The following SMAD1 variants were observed in gnomAD, a reference collection of about 807,000 sequenced individuals.
SMAD1 encodes SMAD family member 1, also known as MAD, mothers against decapentaplegic homolog 1.
A neutral mutation model predicts 41.6 loss-of-function variants in SMAD1; 6 were observed. The ratio of observed to expected loss-of-function variants is 0.14; its 90% CI spans 0.08 to 0.28. The LOEUF (loss-of-function observed/expected upper bound fraction) is 0.28. Among genes scored for constraint, SMAD1 ranks in the 10% least tolerant of loss-of-function variants. SMAD1 has a pLI of 1.00. For missense variants in SMAD1, 379 were observed against 582.6 expected, an observed-to-expected ratio of 0.65 and a Z score of 3.60; for synonymous variants, 206 against 203.2, an observed-to-expected ratio of 1.01 and a Z score of -0.12.
At chr4:145,497,395 A>G (rs987151144) in intron 1 of SMAD1, 2 of 152,252 alleles carry the variant, frequency 1.3e-5, no homozygotes, top group Non-Finnish European at 2.9e-5. Context: ...TGTGACTCTT[A>G]TCATAGTGTA....
intron 1 of SMAD1, chr4:145,503,869 G>T (rs1436771338): frequency 6.6e-6 from 1 of 152,348 alleles, no homozygotes; most frequent in Non-Finnish European, 1.5e-5. Flanking sequence ...AGGTGTGTGT[G>T]TGAGTGCGCC....
intron 2 of SMAD1, among the ~76,000 whole-genome samples, chr4:145,527,201 C>T (rs1731061163): frequency 6.6e-6 from 1 of 151,754 alleles, no homozygotes; most frequent in Non-Finnish European, 1.5e-5. Flanking sequence ...CTGTGCTTAT[C>T]ACTTACCATC....
intron 2 of SMAD1, among the ~76,000 whole-genome samples, chr4:145,526,741 G>A (rs1263605472): frequency 6.6e-6 from 1 of 152,118 alleles, no homozygotes; most frequent in Non-Finnish European, 1.5e-5. Context: ...TAAATGTGGA[G>A]TTCTTTAGGA....
chr4:145,495,779 C>CTTTT (rs397938427), intron 1 of SMAD1, among the ~76,000 whole-genome samples: 1,373 of 117,432 alleles, frequency 0.012, 39 homozygotes, highest in African/African-American at 0.044. Context: ...CAGTGCTTGG[C>CTTTT]TTTTTTTTTT....
At chr4:145,490,214 A>G (rs902958998) in intron 1 of SMAD1, among the ~76,000 whole-genome samples, 1 of 151,332 alleles carries the variant, frequency 6.6e-6, no homozygotes, top group Non-Finnish European at 1.5e-5. Flanking sequence ...GGAGTTAGCC[A>G]TCTGGAGCAC....
chr4:145,517,666 T>C (rs1233490735), intron 2 of SMAD1, among the ~76,000 whole-genome samples: 5 of 70,078 alleles, frequency 7.1e-5, no homozygotes, highest in Admixed American at 1.2e-4. Context: ...TGGCCATTTT[T>C]TTAGTGCTGA....
chr4:145,480,882 T>A (rs2126917826), upstream of SMAD1, among the ~76,000 whole-genome samples: 1 of 151,174 alleles, frequency 6.6e-6, no homozygotes, highest in Non-Finnish European at 1.5e-5. Flanking sequence ...GGAATTTAAT[T>A]AGAAGACATA....
intron 1 of SMAD1, among the ~76,000 whole-genome samples, chr4:145,506,668 T>C (rs1729806151): frequency 1.3e-5 from 2 of 152,060 alleles, no homozygotes; most frequent in South Asian, 4.1e-4. Context: ...AATTATATCT[T>C]CATATACAAA....
At chr4:145,523,478 C>G (rs1730866509) in intron 2 of SMAD1, among the ~76,000 whole-genome samples, 1 of 152,094 alleles carries the variant, frequency 6.6e-6, no homozygotes, top group African/African-American at 2.4e-5. Flanking sequence ...TAAAATAGAC[C>G]AGGGAAAATA....
intron 1 of SMAD1, among the ~76,000 whole-genome samples, chr4:145,505,494 C>CTGT (rs1729717275): frequency 6.6e-6 from 1 of 151,922 alleles, no homozygotes. Context: ...TGGTGGGCAC[C>CTGT]TGTAGTCCTA....
chr4:145,535,314 A>G (rs1376453197), intron 2 of SMAD1, among the ~76,000 whole-genome samples: 1 of 152,200 alleles, frequency 6.6e-6, no homozygotes, highest in African/African-American at 2.4e-5. Context: ...TTACCCATTC[A>G]CCCAGCATTT....
intron 2 of SMAD1, among the ~76,000 whole-genome samples, chr4:145,517,379 T>G (rs1730474201): frequency 6.6e-6 from 1 of 152,134 alleles, no homozygotes; most frequent in South Asian, 2.1e-4. Flanking sequence ...GTCAGTTTCA[T>G]TGGGAAACCT....
chr4:145,545,188 C>G (rs1418583354), intron 4 of SMAD1: 1 of 152,110 alleles, frequency 6.6e-6, no homozygotes, highest in Admixed American at 6.5e-5. Flanking sequence ...TGTATTCATT[C>G]ATTACATATT....
At chr4:145,526,001 A>G (rs545217686) in intron 2 of SMAD1, among the ~76,000 whole-genome samples, 7 of 152,316 alleles carry the variant, frequency 4.6e-5, no homozygotes, top group African/African-American at 1.4e-4. Flanking sequence ...CTGCTATATC[A>G]CTACCCTGGT....
Position 145,481,912 on chromosome 4 carries a change from G to A in SMAD1, c.-303G>A, listed in dbSNP as rs1393797246. On this transcript the variant is annotated 5_prime_UTR_variant, in exon 1 of 7. Transcript: ENST00000302085. ...CGGGCGGAGAAAGGAGAGGCCGAGC[G>A]GCTCAACCCGGGCCGAGGCTCGGGG... The A allele has an allele frequency of 6.5e-6, 1 of 152,832 alleles. No homozygotes were observed. Among genetic ancestry groups the A allele is most frequent in the East Asian group, 1.9e-4 (1 of 5,192 alleles). The allele number at this position is 152,832 out of a possible 1,614,324, so 9.5% of individuals were successfully genotyped here. A position where few individuals can be genotyped will look rare whatever the true frequency, so the allele number is the denominator to read the frequency against.
intron 2 of SMAD1, among the ~76,000 whole-genome samples, chr4:145,538,488 C>CT (rs1483778690): frequency 6.6e-6 from 1 of 152,016 alleles, no homozygotes; most frequent in Non-Finnish European, 1.5e-5. Context: ...AATTTTAATA[C>CT]TTTTTTAAAA....
chr4:145,513,699 AT>A (rs60537353), intron 1 of SMAD1, among the ~76,000 whole-genome samples: 2 of 152,038 alleles, frequency 1.3e-5, no homozygotes, highest in East Asian at 1.9e-4. Context: ...ATATTAGACT[AT>A]TTTTTTCTCC....
chr4:145,557,893 C>A lies in SMAD1; in HGVS notation c.1357C>A (p.Gln453Lys), dbSNP rs1732934522. 6.2e-7 allele frequency: 1 copy of A among 1,612,392 alleles called. No individual in the cohort carries two copies. The highest frequency in any genetic ancestry group is 8.5e-7 in the Non-Finnish European group (1 of 1,178,976). The change falls in exon 7 of 7, where the codon CAA (glutamine) becomes AAA (lysine). Residue 453 changes from glutamine to lysine, a missense_variant. Gln to Lys is a moderately conservative substitution (Grantham distance 53, BLOSUM62 1). This residue lies in a region of SMAD1 where 107 missense variants were observed against 218.3 expected (regional missense o/e 0.49). Coordinates refer to ENST00000302085, the MANE Select transcript of SMAD1 (RefSeq NM_005900.3). Reference sequence around the variant, plus strand: ...CCAGTGGCTGGATAAAGTTCTTACTCAAATGGGTTCACCTCATAATCCTAT... The same window carrying A: ...CCAGTGGCTGGATAAAGTTCTTACTAAAATGGGTTCACCTCATAATCCTAT... ...PLQWLDKVLTQMGSPHNPISS... is the reference protein window; with the variant it reads ...PLQWLDKVLTKMGSPHNPISS...
rs1230167160 is a variant in SMAD1, at chr4:145,504,082, T to C, written c.-176-10356T>C. 5 of 152,228 alleles carry C rather than the reference T, an allele frequency of 3.3e-5. No homozygotes were observed. The East Asian group carries it at 9.6e-4, about 29-fold the overall frequency. The allele number at this position is 152,228 out of a possible 1,614,324, so 9.4% of individuals were successfully genotyped here. A position where few individuals can be genotyped will look rare whatever the true frequency, so the allele number is the denominator to read the frequency against. On this transcript the variant is annotated intron_variant, in intron 1 of 6. Transcript: ENST00000302085. ...AGTGTTTTGGGTCTCAGAAGTTTGG[T>C]AATGTTTTTGTGACCAGAAATGTCC...
Sources: gnomAD v4.1 joint callset for allele counts (sites outside exome capture counted in the v4.1 genomes callset) on GRCh38, gnomAD v4.1.1 for gene constraint, gnomAD v4.1.1 regional missense constraint, MANE v1.5 for transcripts, NCBI Gene and HGNC (gene_info 2026-07-23, HGNC 2026-07-21) for gene names.